The following DAB1 variants were observed in gnomAD, a reference collection of about 807,000 sequenced individuals.
The protein encoded by DAB1 is disabled homolog 1.
A neutral mutation model predicts 64.6 loss-of-function variants in DAB1; 15 were observed. That is an observed-to-expected ratio of 0.23 (90% CI 0.16 to 0.36). The LOEUF (loss-of-function observed/expected upper bound fraction) is 0.36, where lower values mean the gene tolerates loss of function less well. Ranked by LOEUF, DAB1 falls within the 10% of genes least tolerant of loss-of-function variation. The pLI is 1.00. For synonymous variants in DAB1, 235 were observed against 251.9 expected, an observed-to-expected ratio of 0.93 and a Z score of 0.64; for missense variants, 596 against 706.7, an observed-to-expected ratio of 0.84 and a Z score of 1.78.
intron 5 of DAB1, among the ~76,000 whole-genome samples, chr1:57,978,953 A>T (rs1645992887): frequency 6.6e-6 from 1 of 152,214 alleles, no homozygotes; most frequent in African/African-American, 2.4e-5. Flanking sequence ...GGATGCTTGT[A>T]CATTGCTGGT....
chr1:58,378,787 C>T (rs1396505313), intron 3 of DAB1, among the ~76,000 whole-genome samples: 71 of 105,484 alleles, frequency 6.7e-4, no homozygotes, highest in Middle Eastern at 4.2e-3. Context: ...GCCTCGCTGC[C>T]GCCTTGCAGT....
intron 1 of DAB1, among the ~76,000 whole-genome samples, chr1:57,294,439 C>T (rs558743427): frequency 6.6e-6 from 1 of 151,276 alleles, no homozygotes; most frequent in Non-Finnish European, 1.5e-5. Context: ...AAACACTAAA[C>T]CACAAAGCAG....
intron 3 of DAB1, among the ~76,000 whole-genome samples, chr1:58,367,223 G>C (rs1196283341): frequency 6.6e-6 from 1 of 152,198 alleles, no homozygotes; most frequent in African/African-American, 2.4e-5. Context: ...CTGTTCAAGA[G>C]TGGGTCAACT....
chr1:57,133,216 C>A (rs1657785398), intron 4 of DAB1, among the ~76,000 whole-genome samples: 1 of 152,136 alleles, frequency 6.6e-6, no homozygotes, highest in Non-Finnish European at 1.5e-5. Context: ...TGATGCAGAC[C>A]ACTGCCCTTC....
At chr1:57,942,451 A>C (rs1316335645) in intron 5 of DAB1, among the ~76,000 whole-genome samples, 1 of 152,184 alleles carries the variant, frequency 6.6e-6, no homozygotes, top group African/African-American at 2.4e-5. Context: ...TCTAAATATA[A>C]GTGTTGGTAA....
At chr1:57,705,302 T>G (rs966990269) in intron 6 of DAB1, among the ~76,000 whole-genome samples, 2 of 152,266 alleles carry the variant, frequency 1.3e-5, no homozygotes, top group Non-Finnish European at 2.9e-5. Context: ...ACTGTTAATC[T>G]TTCAGCATCC....
intron 6 of DAB1, among the ~76,000 whole-genome samples, chr1:57,699,702 C>A (rs961086555): frequency 6.6e-6 from 1 of 152,120 alleles, no homozygotes; most frequent in African/African-American, 2.4e-5. Flanking sequence ...ATCACGAGGT[C>A]AAAAGATTGA....
chr1:58,331,595 C>T (rs1434559866), intron 4 of DAB1, among the ~76,000 whole-genome samples: 3 of 152,192 alleles, frequency 2.0e-5, no homozygotes, highest in Admixed American at 1.3e-4. Flanking sequence ...CCACCCCAGC[C>T]TTCAGCAACC....
intron 5 of DAB1, among the ~76,000 whole-genome samples, chr1:58,100,421 G>GTA (rs887874610): frequency 9.2e-5 from 14 of 152,226 alleles, no homozygotes; most frequent in Admixed American, 7.8e-4. Context: ...ATATTTCACT[G>GTA]TATATATATA....
chr1:57,159,856 C>CAAAAA lies in DAB1; in HGVS notation c.68-14432_68-14428dup, dbSNP rs398049302. Among the ~76,000 whole-genome samples, 286 of 86,178 alleles carry CAAAAA rather than the reference C, an allele frequency of 3.3e-3. 1 individual carries two copies. Among genetic ancestry groups the CAAAAA allele is most frequent in the South Asian group, 9.8e-3 (21 of 2,148 alleles). The allele number at this position is 86,178 out of a possible 152,430, so 56.5% of individuals were successfully genotyped here. A position where few individuals can be genotyped will look rare whatever the true frequency, so the allele number is the denominator to read the frequency against. On this transcript the variant is annotated intron_variant, in intron 2 of 14. Coordinates refer to ENST00000371236, the MANE Select transcript of DAB1 (RefSeq NM_001365792.1). Reference sequence around the variant, plus strand: ...CACGTACAAGGTAGAAGCAGCAAGACAAAAAAAAAAAAAAAAAAAAAGGAA... The same window carrying CAAAAA: ...CACGTACAAGGTAGAAGCAGCAAGACAAAAAAAAAAAAAAAAAAAAAAAAAAGGAA...
At chr1:57,806,230 T>C (rs2101878629) in intron 6 of DAB1, among the ~76,000 whole-genome samples, 1 of 152,326 alleles carries the variant, frequency 6.6e-6, no homozygotes, top group African/African-American at 2.4e-5. Context: ...GGGCCTGTTA[T>C]GAGTTGAACT....
intron 1 of DAB1, among the ~76,000 whole-genome samples, chr1:57,854,576 G>A (rs528982193): frequency 6.6e-6 from 1 of 152,298 alleles, no homozygotes; most frequent in East Asian, 1.9e-4. Context: ...TCATGAACAC[G>A]ATAATCTTGG....
intron 9 of DAB1, among the ~76,000 whole-genome samples, chr1:57,038,107 C>T (rs573160879): frequency 2.6e-5 from 4 of 152,300 alleles, no homozygotes; most frequent in African/African-American, 4.8e-5. Flanking sequence ...AAATAAACTT[C>T]CAGTTAATGG....
At chr1:57,765,450 T>G (rs947639799) in intron 6 of DAB1, among the ~76,000 whole-genome samples, 4 of 152,194 alleles carry the variant, frequency 2.6e-5, no homozygotes, top group African/African-American at 7.2e-5. Flanking sequence ...AAGCTTTGGT[T>G]TTGTAGGGAC....
chr1:58,372,949 AG>A (rs1644280836), intron 3 of DAB1, among the ~76,000 whole-genome samples: 1 of 152,138 alleles, frequency 6.6e-6, no homozygotes, highest in Admixed American at 6.5e-5. Flanking sequence ...GCATCTCTAT[AG>A]CAATGTGAAA....
chr1:57,155,245 G>A (rs1322447135), intron 2 of DAB1, among the ~76,000 whole-genome samples: 1 of 152,142 alleles, frequency 6.6e-6, no homozygotes, highest in Non-Finnish European at 1.5e-5. Context: ...TCTGCATATG[G>A]ATATCCAATT....
chr1:57,995,409 G>C (rs1394437743), intron 5 of DAB1, among the ~76,000 whole-genome samples: 1 of 152,024 alleles, frequency 6.6e-6, no homozygotes, highest in Admixed American at 6.6e-5. Context: ...GGGGCACAAA[G>C]GTAACACTAG....
intron 4 of DAB1, among the ~76,000 whole-genome samples, chr1:58,238,542 C>A (rs370341300): frequency 1.8e-3 from 280 of 152,142 alleles, no homozygotes; most frequent in African/African-American, 6.4e-3. Context: ...TGGTTACGAG[C>A]CAAGGAGGGA....
intron 7 of DAB1, among the ~76,000 whole-genome samples, chr1:57,490,527 TA>T (rs888258240): frequency 5.3e-5 from 8 of 150,494 alleles, no homozygotes; most frequent in African/African-American, 9.8e-5. Context: ...TTTATGAAAT[TA>T]AAAAAAAAAT....
Sources: allele counts gnomAD v4.1 joint callset (sites outside exome capture counted in the v4.1 genomes callset), GRCh38; gene constraint gnomAD v4.1.1; transcripts MANE v1.5; gene names NCBI Gene and HGNC (gene_info 2026-07-23, HGNC 2026-07-21).